PGM1: variants seen among roughly 807,000 people sequenced by gnomAD.
PGM1 encodes phosphoglucomutase-1.
In PGM1, 52 loss-of-function variants were observed where a neutral mutation model predicts 55.6. The observed-to-expected ratio is 0.94, with a 90% CI of 0.75 to 1.18. PGM1 has a LOEUF of 1.18. Ranked by LOEUF, PGM1 falls within the 50% of genes most tolerant of loss-of-function variation. PGM1 has a pLI of 0.00. For synonymous variants in PGM1, 287 were observed against 271.7 expected (o/e 1.06, Z -0.55); for missense variants, 724 against 729.3 (o/e 0.99, Z 0.08).
rs150635947 is a variant in PGM1, at chr1:63,623,324, A to G, written c.247-6101A>G. ...AGGAATTAACCAAGCTTTCTCATTG[A>G]GAGTGATCGTCCATGCAAACCCTCT... On this transcript the variant is annotated intron_variant, in intron 1 of 10. Coordinates refer to ENST00000371084, the MANE Select transcript of PGM1 (RefSeq NM_002633.3). The G allele has an allele frequency of 2.6e-4, 386 of 1,492,038 alleles. 1 individual carries two copies. The African/African-American group carries it at 4.8e-3, about 19-fold the overall frequency. The allele number at this position is 1,492,038 out of a possible 1,614,324, so 92.4% of individuals were successfully genotyped here.
intron 1 of PGM1, among the ~76,000 whole-genome samples, chr1:63,595,383 A>C (rs1477468038): frequency 1.3e-5 from 2 of 152,234 alleles, no homozygotes; most frequent in Non-Finnish European, 1.5e-5. Context: ...GAACTTGAAC[A>C]GCTCCTGAGA....
At chr1:63,625,218 C>T (rs1648986385) in intron 1 of PGM1, among the ~76,000 whole-genome samples, 1 of 152,164 alleles carries the variant, frequency 6.6e-6, no homozygotes, top group African/African-American at 2.4e-5. Context: ...CAGGCACACC[C>T]TACAGACTTT....
At position 63,636,833 on chromosome 1, in the gene PGM1, C is replaced by T. The variant is rs147066181; in HGVS notation, c.1028+445C>T. ...CAATGGAAGTACTCAAGACATCATT[C>T]TGGAGGATCACTTTTCTTTTGCAGT... On this transcript the variant is annotated intron_variant, in intron 6 of 10. Transcript: ENST00000371084. Among the ~76,000 whole-genome samples the T allele has an allele frequency of 2.5e-3, 378 of 152,312 alleles. 5 individuals are homozygous for T. Among genetic ancestry groups the T allele is most frequent in the African/African-American group, 8.7e-3 (362 of 41,556 alleles).
chr1:63,593,593 C>T lies in PGM1; in HGVS notation c.105C>T (p.Tyr35=). ...RVKVFQSSAN[Y]AENFIQSIIS... is the part of the protein sequence containing the mutation. ...AGGTGTTCCAGAGCAGCGCCAACTA[C>T]GCGGAGAACTTCATCCAGAGTATCA... The change falls in exon 1 of 11, where the codon TAC becomes TAT. Residue 35 remains tyrosine (Y), a synonymous_variant. Coordinates refer to ENST00000371084, the MANE Select transcript of PGM1 (RefSeq NM_002633.3). 1 of 1,613,664 alleles carries T rather than the reference C, an allele frequency of 6.2e-7. No homozygotes were observed. The highest frequency in any genetic ancestry group is 8.5e-7 in the Non-Finnish European group (1 of 1,179,894).
chr1:63,632,158 C>G (rs1000995084), intron 4 of PGM1, among the ~76,000 whole-genome samples: 3 of 151,946 alleles, frequency 2.0e-5, no homozygotes, highest in Non-Finnish European at 2.9e-5. Context: ...CTCCTGAGCC[C>G]CACACCCCCA....
intron 1 of PGM1, among the ~76,000 whole-genome samples, chr1:63,596,200 A>G (rs906555841): frequency 6.6e-6 from 1 of 150,696 alleles, no homozygotes; most frequent in African/African-American, 2.4e-5. Flanking sequence ...CATGGGCTGC[A>G]CATTGACTAT....
intron 1 of PGM1, among the ~76,000 whole-genome samples, chr1:63,596,418 G>A (rs1193321960): frequency 6.6e-6 from 1 of 151,642 alleles, no homozygotes; most frequent in African/African-American, 2.4e-5. Context: ...CACCACACCT[G>A]GCTAATTTTT....
At chr1:63,636,126 C>A in intron 5 of PGM1, 108 bp from the exon 6 acceptor site, 1 of 1,073,410 alleles carries the variant, frequency 9.3e-7, no homozygotes, top group Non-Finnish European at 1.4e-6. Flanking sequence ...GAAAGGAGAT[C>A]AATTTCAAAT....
chr1:63,601,599 A>G (rs1648245846), intron 1 of PGM1, among the ~76,000 whole-genome samples: 1 of 152,034 alleles, frequency 6.6e-6, no homozygotes, highest in African/African-American at 2.4e-5. Context: ...GAGTGTGTTA[A>G]GTAAGTAATG....
In PGM1 at chr1:63,631,787, A is replaced by G. The variant is rs759045962; in HGVS notation, c.682+5A>G. On this transcript the variant is annotated splice_donor_5th_base_variant and intron_variant, in intron 4 of 10. Transcript: ENST00000371084. ...GTATTGATGCTATGCATGGAGGTAT[A>G]CAATCATTTCTTTTCAATTCCCATC... 14 of 1,613,670 alleles carry G rather than the reference A, an allele frequency of 8.7e-6. No individual in the cohort carries two copies. The Middle Eastern group carries it at 4.9e-4, about 57-fold the overall frequency.
At chr1:63,613,549 C>T (rs915917981) in intron 1 of PGM1, among the ~76,000 whole-genome samples, 1 of 152,028 alleles carries the variant, frequency 6.6e-6, no homozygotes, top group African/African-American at 2.4e-5. Flanking sequence ...TCTCTTCTGT[C>T]TCTGTCTCCA....
intron 1 of PGM1, among the ~76,000 whole-genome samples, chr1:63,617,557 A>G (rs966338758): frequency 1.3e-5 from 2 of 151,854 alleles, no homozygotes; most frequent in Non-Finnish European, 2.9e-5. Flanking sequence ...AATTACCAAA[A>G]TTAGCAGGGC....
chr1:63,623,350 A>G (rs1461848734), intron 1 of PGM1: 13 of 1,516,004 alleles, frequency 8.6e-6, no homozygotes, highest in Non-Finnish European at 1.1e-5. Context: ...CAAACCCTCT[A>G]TTTTAGTTAC....
At chr1:63,636,501 A>G in intron 6 of PGM1, 113 bp downstream of exon 6, 2 of 1,097,296 alleles carry the variant, frequency 1.8e-6, no homozygotes, top group Non-Finnish European at 2.8e-6. Flanking sequence ...CATCTGATGC[A>G]TAGAGTGTGC....
intron 9 of PGM1, among the ~76,000 whole-genome samples, chr1:63,653,230 AT>A (rs1649869103): frequency 6.6e-6 from 1 of 152,224 alleles, no homozygotes; most frequent in African/African-American, 2.4e-5. Flanking sequence ...AGGGAAAAAT[AT>A]GATCCAACAT....
At chr1:63,598,374 A>G (rs1334363703) in intron 1 of PGM1, among the ~76,000 whole-genome samples, 1 of 152,222 alleles carries the variant, frequency 6.6e-6, no homozygotes, top group East Asian at 1.9e-4. Flanking sequence ...AAAAAACCAG[A>G]TTTGTGATAT....
Position 63,634,907 on chromosome 1 carries a change from TG to T in PGM1, c.763del (p.Glu255ArgfsTer22). ...AACTCGGCAGTTAACTGCGTTCCTCTGGAGGACTTTGGAGGCCACCACCCTG... is the reference window on the plus strand; with the variant it reads ...AACTCGGCAGTTAACTGCGTTCCTCTGAGGACTTTGGAGGCCACCACCCTG... ...PANSAVNCVPLEDFGGHHPDP... is the reference protein window; with the variant it reads ...PANSAVNCVPXEDFGGHHPDP... On this transcript the variant is annotated frameshift_variant, in exon 5 of 11. Coordinates refer to ENST00000371084, the MANE Select transcript of PGM1 (RefSeq NM_002633.3). LOFTEE classifies it high-confidence loss of function. The T allele has an allele frequency of 6.2e-7, 1 of 1,613,970 alleles. No individual in the cohort carries two copies. Among genetic ancestry groups the T allele is most frequent in the Non-Finnish European group, 8.5e-7 (1 of 1,179,972 alleles).
chr1:63,627,028 C>G (rs1352593734), intron 1 of PGM1, among the ~76,000 whole-genome samples: 1 of 147,256 alleles, frequency 6.8e-6, no homozygotes, highest in African/African-American at 2.5e-5. Flanking sequence ...CCTCAAGGTT[C>G]ATCCATCTTG....
chr1:63,601,714 G>A (rs1331479922), intron 1 of PGM1, among the ~76,000 whole-genome samples: 1 of 152,220 alleles, frequency 6.6e-6, no homozygotes, highest in Non-Finnish European at 1.5e-5. Context: ...GAGTTGTTTG[G>A]AAAGGGTGAG....
Sources: gnomAD v4.1 joint callset for allele counts (sites outside exome capture counted in the v4.1 genomes callset) on GRCh38, gnomAD v4.1.1 for gene constraint, MANE v1.5 for transcripts, NCBI Gene and HGNC (gene_info 2026-07-23, HGNC 2026-07-21) for gene names.